ASTN2: variants seen among roughly 807,000 people sequenced by gnomAD.
ASTN2 encodes the protein astrotactin-2.
In ASTN2, 54 loss-of-function variants were observed where a neutral mutation model predicts 139.8. The ratio of observed to expected loss-of-function variants is 0.39; its 90% CI spans 0.31 to 0.48. The LOEUF (loss-of-function observed/expected upper bound fraction) is 0.48, where lower values mean the gene tolerates loss of function less well. ASTN2 is among the 20% of genes least tolerant of loss of function. The probability of loss-of-function intolerance (pLI) is 0.95; values close to 1 mark genes in which losing one functional copy is unlikely to be tolerated. For missense variants in ASTN2, 1,565 were observed against 1,725.1 expected (o/e 0.91, Z 1.64); for synonymous variants, 756 against 719.5 (o/e 1.05, Z -0.81).
intron 13 of ASTN2, among the ~76,000 whole-genome samples, chr9:116,756,796 C>CAT (rs1485961315): frequency 6.6e-6 from 1 of 151,592 alleles, no homozygotes; most frequent in Non-Finnish European, 1.5e-5. Flanking sequence ...CACACACACA[C>CAT]ACATACACAC....
chr9:116,743,947 G>A (rs1309084641), intron 13 of ASTN2, among the ~76,000 whole-genome samples: 1 of 152,178 alleles, frequency 6.6e-6, no homozygotes, highest in African/African-American at 2.4e-5. Flanking sequence ...ATGGTTATAG[G>A]TTAGAGGGAT....
intron 20 of ASTN2, among the ~76,000 whole-genome samples, chr9:116,468,400 C>T (rs1477248339): frequency 6.6e-6 from 1 of 152,186 alleles, no homozygotes; most frequent in Non-Finnish European, 1.5e-5. Flanking sequence ...ACTACTCTAC[C>T]TTGGGCCCAC....
intron 16 of ASTN2, among the ~76,000 whole-genome samples, chr9:116,664,459 A>T (rs1858746040): frequency 6.7e-6 from 1 of 149,086 alleles, no homozygotes; most frequent in African/African-American, 2.4e-5. Context: ...ATGTATATAA[A>T]TTTTTTATTA....
chr9:116,434,642 C>G (rs979005582), intron 22 of ASTN2, among the ~76,000 whole-genome samples: 3 of 152,190 alleles, frequency 2.0e-5, no homozygotes, highest in Admixed American at 6.5e-5. Flanking sequence ...CCAATATGCT[C>G]AAACATAATT....
chr9:117,259,510 G>T (rs556231224), intron 2 of ASTN2, among the ~76,000 whole-genome samples: 39 of 152,210 alleles, frequency 2.6e-4, no homozygotes, highest in African/African-American at 9.4e-4. Context: ...AATAAGAAAC[G>T]TATACAATCT....
chr9:117,284,661 T>C (rs547835790), intron 2 of ASTN2, among the ~76,000 whole-genome samples: 1 of 152,362 alleles, frequency 6.6e-6, no homozygotes, highest in Non-Finnish European at 1.5e-5. Flanking sequence ...TGTGGTACTT[T>C]GTTATTGCAA....
At chr9:116,449,170 C>CA (rs1848099173) in intron 20 of ASTN2, among the ~76,000 whole-genome samples, 1 of 152,130 alleles carries the variant, frequency 6.6e-6, no homozygotes, top group African/African-American at 2.4e-5. Context: ...CTTTGGGAGA[C>CA]CGAGGCAGGT....
At chr9:117,210,065 G>C (rs766439875) in intron 3 of ASTN2, among the ~76,000 whole-genome samples, 1 of 152,084 alleles carries the variant, frequency 6.6e-6, no homozygotes, top group Non-Finnish European at 1.5e-5. Context: ...GCAGTATTAA[G>C]AGGCAAATTT....
At chr9:116,742,969 T>C (rs1243546128) in intron 13 of ASTN2, among the ~76,000 whole-genome samples, 1 of 152,050 alleles carries the variant, frequency 6.6e-6, no homozygotes, top group Non-Finnish European at 1.5e-5. Flanking sequence ...CCCAAGACCA[T>C]CCATACCTCA....
chr9:116,490,894 G>A (rs1048361065), intron 19 of ASTN2, among the ~76,000 whole-genome samples: 3 of 152,158 alleles, frequency 2.0e-5, no homozygotes, highest in African/African-American at 7.2e-5. Context: ...TATGTTTGTG[G>A]CCTGTGTTAA....
At chr9:116,949,742 G>A (rs1292822233) in intron 10 of ASTN2, among the ~76,000 whole-genome samples, 1 of 152,116 alleles carries the variant, frequency 6.6e-6, no homozygotes, top group East Asian at 1.9e-4. Flanking sequence ...TGGTTCCAGG[G>A]GTTATAGAGC....
intron 11 of ASTN2, among the ~76,000 whole-genome samples, chr9:116,830,127 A>G (rs1831762956): frequency 1.3e-5 from 2 of 152,244 alleles, no homozygotes; most frequent in Admixed American, 1.3e-4. Context: ...AACTTAAATA[A>G]TGCAACAAGC....
chr9:117,372,807 G>A (rs1363862221), intron 1 of ASTN2, among the ~76,000 whole-genome samples: 1 of 152,076 alleles, frequency 6.6e-6, no homozygotes, highest in Non-Finnish European at 1.5e-5. Flanking sequence ...GGATGGTGTT[G>A]GCTGCAGGGA....
intron 6 of ASTN2, among the ~76,000 whole-genome samples, chr9:117,019,994 C>T (rs1343359122): frequency 7.2e-6 from 1 of 138,766 alleles, no homozygotes; most frequent in South Asian, 2.4e-4. Flanking sequence ...AATAGCCATT[C>T]AGGGTTTCTG....
chr9:117,230,671 G>A (rs1484842961), intron 2 of ASTN2, among the ~76,000 whole-genome samples: 2 of 152,104 alleles, frequency 1.3e-5, no homozygotes, highest in African/African-American at 4.8e-5. Flanking sequence ...CCCATAGTAA[G>A]TGAACCAAAG....
intron 5 of ASTN2, among the ~76,000 whole-genome samples, chr9:117,056,153 C>T (rs1003420833): frequency 6.6e-6 from 1 of 152,212 alleles, no homozygotes; most frequent in African/African-American, 2.4e-5. Flanking sequence ...CTGCAGTCTC[C>T]TTCGAAGCCC....
chr9:117,354,325 A>C (rs1829476085), intron 1 of ASTN2, among the ~76,000 whole-genome samples: 1 of 150,602 alleles, frequency 6.6e-6, no homozygotes, highest in African/African-American at 2.4e-5. Flanking sequence ...CTCTTTTCTC[A>C]TTGCCCCCTC....
chr9:117,208,536 G>T (rs1043484814), intron 3 of ASTN2, among the ~76,000 whole-genome samples: 1 of 152,042 alleles, frequency 6.6e-6, no homozygotes. Flanking sequence ...TATTAGGGGT[G>T]TTTCAGAAGA....
intron 1 of ASTN2, among the ~76,000 whole-genome samples, chr9:117,306,844 C>T (rs1835011884): frequency 6.6e-6 from 1 of 152,148 alleles, no homozygotes; most frequent in South Asian, 2.1e-4. Flanking sequence ...CTCTTTCCCT[C>T]ATAACCACCA....
Sources: gnomAD v4.1 joint callset for allele counts (sites outside exome capture counted in the v4.1 genomes callset) on GRCh38, gnomAD v4.1.1 for gene constraint, MANE v1.5 for transcripts, NCBI Gene and HGNC (gene_info 2026-07-23, HGNC 2026-07-21) for gene names.